Variants in EVC2 observed in about 807,000 individuals in gnomAD.
EVC2 encodes the protein EvC ciliary complex subunit 2, also known as limbin.
EVC2 carries 148 observed loss-of-function variants against 149.3 expected under a neutral mutation model. The observed-to-expected ratio is 0.99, with a 90% CI of 0.87 to 1.14. The LOEUF (loss-of-function observed/expected upper bound fraction) is 1.14. Among genes scored for constraint, EVC2 ranks in the 50% most tolerant of loss-of-function variants. The pLI, the probability that EVC2 is intolerant of heterozygous loss-of-function variation, is 0.00. For synonymous variants in EVC2, 776 were observed against 649.9 expected (o/e 1.19, Z -2.95); for missense variants, 1,854 against 1,627.3 (o/e 1.14, Z -2.40).
At chr4:5,680,919 A>C (rs1417087673) in intron 7 of EVC2, among the ~76,000 whole-genome samples, 2 of 152,222 alleles carry the variant, frequency 1.3e-5, no homozygotes, top group African/African-American at 4.8e-5. Flanking sequence ...AGGCTTTGGG[A>C]AGATCTGGGA....
chr4:5,631,776 C>T lies in EVC2; in HGVS notation c.1710+17G>A, dbSNP rs371154972. 85 of 1,613,122 alleles carry T rather than the reference C, an allele frequency of 5.3e-5. No individual in the cohort carries two copies. In the South Asian group the frequency reaches 7.5e-4, roughly 14 times the overall value. ...CAGAAAAATTACTTTTCCATCACAG[C>T]GAGGCTGATGTATTACCTGTATTTT... is the stretch of plus-strand genomic sequence containing the variant. On this transcript the variant is annotated intron_variant, in intron 11 of 21. Transcript: ENST00000344408.
chr4:5,584,103 A>C (rs1712049250), intron 17 of EVC2, among the ~76,000 whole-genome samples: 1 of 152,172 alleles, frequency 6.6e-6, no homozygotes, highest in Non-Finnish European at 1.5e-5. Context: ...ATTATAAGTA[A>C]TTATGATAAT....
rs572208190 is a variant in EVC2 at position 5,555,383 on chromosome 4, C to T, written c.3419+9875G>A. The stretch of plus-strand genomic sequence containing the variant: ...GTCAGATGGATTTTTTAAAAGGATC[C>T]AAATATATGTTGTCTACCGGAAACC... On this transcript the variant is annotated intron_variant and NMD_transcript_variant, in intron 21 of 22. Coordinates refer to the EVC2 transcript ENST00000475313. Among the ~76,000 whole-genome samples the T allele has an allele frequency of 2.6e-5, 4 of 152,088 alleles. No individual in the cohort carries two copies. In the East Asian group the frequency reaches 7.7e-4, roughly 29 times the overall value.
At chr4:5,574,383 AC>A (rs1322335287) in intron 19 of EVC2, among the ~76,000 whole-genome samples, 1 of 152,182 alleles carries the variant, frequency 6.6e-6, no homozygotes, top group African/African-American at 2.4e-5. Flanking sequence ...GGTAGAACCT[AC>A]TTTTTGTATA....
chr4:5,698,437 G>C (rs894868001), intron 1 of EVC2, among the ~76,000 whole-genome samples: 9 of 152,154 alleles, frequency 5.9e-5, no homozygotes, highest in African/African-American at 1.9e-4. Context: ...CTGAGCCTCA[G>C]ATCCCTCTTC....
At chr4:5,554,178 T>C (rs1406602710) in intron 21 of EVC2, among the ~76,000 whole-genome samples, 1 of 152,052 alleles carries the variant, frequency 6.6e-6, no homozygotes, top group Non-Finnish European at 1.5e-5. Context: ...TGAAAATCAG[T>C]GTCTTTTCTT....
In EVC2 at chr4:5,706,353, GACACATAGATAGATACATAGATAGATAC is replaced by G. The variant is rs1722151163; in HGVS notation, c.228+1905_228+1932del. 8.5e-4 allele frequency among the ~76,000 whole-genome samples: 12 copies of G among 14,120 alleles called. 1 individual carries two copies. Among genetic ancestry groups the G allele is most frequent in the African/African-American group, 3.4e-3 (10 of 2,966 alleles). 9.3% of individuals were successfully genotyped at this position (14,120 alleles called of 152,430 possible). A position where few individuals can be genotyped will look rare whatever the true frequency, so the allele number is the denominator to read the frequency against. On this transcript the variant is annotated intron_variant, in intron 1 of 21. Coordinates refer to ENST00000344408, the MANE Select transcript of EVC2 (RefSeq NM_147127.5). The stretch of plus-strand genomic sequence containing the variant: ...AGATAGATAGATACATAGATAGATA[GACACATAGATAGATACATAGATAGATAC>G]ATAGATAGATACATAGATAGATAGA...
In EVC2 at chr4:5,613,242, C is replaced by A. The variant is rs41485550; in HGVS notation, c.2829+2180G>T. Among the ~76,000 whole-genome samples the A allele has an allele frequency of 0.098, 14,898 of 152,170 alleles. 1,423 individuals are homozygous for A. Among genetic ancestry groups the A allele is most frequent in the African/African-American group, 0.25 (10,176 of 41,480 alleles). On this transcript the variant is annotated intron_variant, in intron 16 of 21. Coordinates refer to ENST00000344408, the MANE Select transcript of EVC2 (RefSeq NM_147127.5). The surrounding 1 kb of genome is among the most constrained non-coding windows in gnomAD (Gnocchi z 4.6). ...ATGACCCAGCACTCCAGTAAGGCAG[C>A]CTTGTCACAGGGCTTCAACCCTCTG...
intron 20 of EVC2, among the ~76,000 whole-genome samples, chr4:5,566,164 A>G (rs541692037): frequency 1.3e-5 from 2 of 152,360 alleles, no homozygotes; most frequent in African/African-American, 4.8e-5. Flanking sequence ...GGGAGCCCTA[A>G]AGCCATGAAG....
chr4:5,682,500 A>T (rs10804965), intron 6 of EVC2, among the ~76,000 whole-genome samples: 89,082 of 150,238 alleles, frequency 0.59, 26,742 homozygotes, highest in East Asian at 0.76. Flanking sequence ...CAAAAAAAAA[A>T]AATAATAATA....
intron 1 of EVC2, among the ~76,000 whole-genome samples, chr4:5,702,998 T>A (rs1441782295): frequency 2.0e-5 from 3 of 152,260 alleles, no homozygotes; most frequent in Non-Finnish European, 2.9e-5. Flanking sequence ...CAATTGTTAT[T>A]ATTGCCATTA....
chr4:5,635,462 C>T (rs1716832763), intron 10 of EVC2, among the ~76,000 whole-genome samples: 1 of 135,030 alleles, frequency 7.4e-6, no homozygotes, highest in Non-Finnish European at 1.5e-5. Context: ...AGCAAGTGTC[C>T]CCTGGAGGGA....
rs1200525973 is a variant in EVC2, at chr4:5,708,396, GC to G, written c.117del (p.Trp39CysfsTer22). ...CGGGGTGGCTGCGCGCCGAGGGGGCGCCAGCGGGGACGTGAGCTGGCGCCGA... is the reference window on the plus strand; with the variant it reads ...CGGGGTGGCTGCGCGCCGAGGGGGCGCAGCGGGGACGTGAGCTGGCGCCGA... ...GCLGASSRPR[W>X]RPLGAQPPRD... On this transcript the variant is annotated frameshift_variant, in exon 1 of 22. Coordinates refer to ENST00000344408, the MANE Select transcript of EVC2 (RefSeq NM_147127.5). LOFTEE classifies it high-confidence loss of function. 1 of 1,496,526 alleles carries G rather than the reference GC, an allele frequency of 6.7e-7. No homozygotes were observed. The highest frequency in any genetic ancestry group is 1.5e-5 in the African/African-American group (1 of 68,624). The allele number at this position is 1,496,526 out of a possible 1,614,324, so 92.7% of individuals were successfully genotyped here. A position where few individuals can be genotyped will look rare whatever the true frequency, so the allele number is the denominator to read the frequency against.
chr4:5,609,530 C>A (rs973343790), intron 16 of EVC2, among the ~76,000 whole-genome samples: 1 of 152,138 alleles, frequency 6.6e-6, no homozygotes, highest in Non-Finnish European at 1.5e-5. Flanking sequence ...CTCGTGTCTG[C>A]CTTTCTTTGT....
chr4:5,602,110 TATAAAAAATTTTAAA>T (rs1279949434), intron 16 of EVC2, among the ~76,000 whole-genome samples: 1 of 151,778 alleles, frequency 6.6e-6, no homozygotes, highest in Admixed American at 6.6e-5. Flanking sequence ...AACCTGTCCC[TATAAAAAATTTTAAA>T]ATAAAAAATT....
chr4:5,548,674 C>G (rs1299053162), intron 21 of EVC2, among the ~76,000 whole-genome samples: 1 of 151,960 alleles, frequency 6.6e-6, no homozygotes, highest in African/African-American at 2.4e-5. Flanking sequence ...TACCCCTAAG[C>G]CAGAAATATG....
At chr4:5,651,350 G>A (rs1243113474) in intron 9 of EVC2, among the ~76,000 whole-genome samples, 1 of 152,102 alleles carries the variant, frequency 6.6e-6, no homozygotes, top group African/African-American at 2.4e-5. Flanking sequence ...TGAGTAGATA[G>A]GATGGATGAA....
intron 15 of EVC2, among the ~76,000 whole-genome samples, chr4:5,616,796 G>C (rs1229271318): frequency 6.6e-6 from 1 of 152,140 alleles, no homozygotes; most frequent in Non-Finnish European, 1.5e-5. Flanking sequence ...TGTGGAGCGA[G>C]CACCTTCGCG....
At chr4:5,642,194 T>C (rs1176853731) in intron 9 of EVC2, among the ~76,000 whole-genome samples, 1 of 152,220 alleles carries the variant, frequency 6.6e-6, no homozygotes, top group Admixed American at 6.5e-5. Context: ...CGATGGGCAT[T>C]TGGGTTGGTT....
Sources: allele counts gnomAD v4.1 joint callset (sites outside exome capture counted in the v4.1 genomes callset), GRCh38; gene constraint gnomAD v4.1.1; non-coding constraint Gnocchi (gnomAD v3.1); transcripts MANE v1.5; gene names NCBI Gene and HGNC (gene_info 2026-07-23, HGNC 2026-07-21).